The following SEPHS1 variants were observed in gnomAD, a reference collection of about 807,000 sequenced individuals.
SEPHS1 encodes the protein selenophosphate synthetase 1, also known as zincore component SEPHS1.
A neutral mutation model predicts 39.2 loss-of-function variants in SEPHS1; 7 were observed. The ratio of observed to expected loss-of-function variants is 0.18; its 90% confidence interval spans 0.10 to 0.34. SEPHS1 has a LOEUF of 0.34. Among genes scored for constraint, SEPHS1 ranks in the 10% least tolerant of loss-of-function variants. The pLI is 1.00. For synonymous variants in SEPHS1, 190 were observed against 195.5 expected, an observed-to-expected ratio of 0.97 and a Z score of 0.23; for missense variants, 253 against 514.5, an observed-to-expected ratio of 0.49 and a Z score of 4.92.
intron 6 of SEPHS1, 150 bp from the exon 7 acceptor site, chr10:13,328,600 G>A (rs1833375112): frequency 3.2e-6 from 2 of 629,106 alleles, no homozygotes; most frequent in Non-Finnish European, 5.6e-6. Context: ...TGGTTTTTCT[G>A]TGGATAGTAT....
chr10:13,336,774 C>T (rs1833648649), intron 3 of SEPHS1, among the ~76,000 whole-genome samples: 1 of 144,088 alleles, frequency 6.9e-6, no homozygotes, highest in Admixed American at 7.5e-5. Context: ...GAAACAGCCA[C>T]ATATCCCAAA....
intron 8 of SEPHS1, among the ~76,000 whole-genome samples, chr10:13,321,308 G>A (rs182496367): frequency 6.6e-6 from 1 of 152,140 alleles, no homozygotes; most frequent in Non-Finnish European, 1.5e-5. Context: ...GTGCAGTGGG[G>A]CGATCTTGGC....
At chr10:13,347,153 G>A (rs779674274) in intron 1 of SEPHS1, 17 of 151,434 alleles carry the variant, frequency 1.1e-4, no homozygotes, top group Non-Finnish European at 2.1e-4. Flanking sequence ...GCAACGTTTA[G>A]CCCTTTCCTT....
intron 2 of SEPHS1, among the ~76,000 whole-genome samples, chr10:13,344,079 A>C (rs1206041740): frequency 1.3e-5 from 2 of 152,174 alleles, no homozygotes; most frequent in African/African-American, 4.8e-5. Context: ...TCCTGGGGTC[A>C]AGAACAGATC....
At chr10:13,326,307 C>A (rs1271279708) in intron 7 of SEPHS1, among the ~76,000 whole-genome samples, 2 of 152,048 alleles carry the variant, frequency 1.3e-5, no homozygotes, top group African/African-American at 4.8e-5. Context: ...AAACCCATCT[C>A]TACTAAAAAT....
At chr10:13,334,913 C>T (rs1366172540) in intron 4 of SEPHS1, among the ~76,000 whole-genome samples, 3 of 152,160 alleles carry the variant, frequency 2.0e-5, no homozygotes, top group Non-Finnish European at 4.4e-5. Flanking sequence ...GACTGGCTTC[C>T]TAAGCACAGG....
chr10:13,345,116 G>C (rs940171407), intron 1 of SEPHS1, 88 bp from the exon 2 acceptor site: 1 of 530,768 alleles, frequency 1.9e-6, no homozygotes, highest in Non-Finnish European at 3.2e-6. Context: ...ACAGCGAAAA[G>C]TCAATGTGAC....
intron 2 of SEPHS1, among the ~76,000 whole-genome samples, chr10:13,340,103 T>G (rs1833743823): frequency 6.6e-6 from 1 of 152,118 alleles, no homozygotes; most frequent in Admixed American, 6.6e-5. Context: ...CCTTTAATAT[T>G]CTGCGTAAGT....
chr10:13,344,668 AAAAT>A (rs1833877956), intron 2 of SEPHS1, 86 bp downstream of exon 2: 1 of 973,848 alleles, frequency 1.0e-6, no homozygotes, highest in African/African-American at 1.7e-5. Context: ...GTAATAATAA[AAAAT>A]AAATAGGCAA....
At chr10:13,347,879 G>C (rs1833979892) in intron 1 of SEPHS1, 121 bp downstream of exon 1, 1 of 146,502 alleles carries the variant, frequency 6.8e-6, no homozygotes, top group Non-Finnish European at 1.5e-5. Flanking sequence ...GGCCGGCGGC[G>C]CGCGGCTCCC....
intron 3 of SEPHS1, among the ~76,000 whole-genome samples, chr10:13,337,752 G>C (rs954975653): frequency 6.6e-6 from 1 of 152,188 alleles, no homozygotes; most frequent in Admixed American, 6.5e-5. Context: ...CCTGCCACCT[G>C]GTCATGTGGG....
intron 7 of SEPHS1, 110 bp from the exon 8 acceptor site, chr10:13,323,157 G>A (rs1407982380): frequency 5.1e-5 from 44 of 862,350 alleles, no homozygotes; most frequent in South Asian, 1.9e-4. Flanking sequence ...ATGACGTATC[G>A]GAATAATGAA....
intron 2 of SEPHS1, chr10:13,340,746 A>T (rs1229338268): frequency 2.0e-5 from 3 of 152,254 alleles, no homozygotes; most frequent in Non-Finnish European, 4.4e-5. Flanking sequence ...GATCAGAGTA[A>T]CGGGGGATTC....
chr10:13,341,423 T>C (rs1833779639), intron 2 of SEPHS1, among the ~76,000 whole-genome samples: 1 of 150,952 alleles, frequency 6.6e-6, no homozygotes, highest in African/African-American at 2.4e-5. Flanking sequence ...ACCTAAGTTA[T>C]CACACCACTA....
intron 7 of SEPHS1, 56 bp downstream of exon 7, chr10:13,328,294 TA>T: frequency 8.2e-7 from 1 of 1,219,714 alleles, no homozygotes; most frequent in Non-Finnish European, 1.2e-6. Flanking sequence ...CAGAAAAGCC[TA>T]AGACATTTAC....
In SEPHS1 at chr10:13,318,311, TTTACTA is replaced by T. The variant is rs1299750140; in HGVS notation, c.*825_*830del. Reference sequence around the variant, plus strand: ...AAACACTACCATCCACAGAACAGTCTTTACTATTGATTATATTTAAAAATTATTTGT... The same window carrying T: ...AAACACTACCATCCACAGAACAGTCTTTGATTATATTTAAAAATTATTTGT... On this transcript the variant is annotated 3_prime_UTR_variant, in exon 9 of 9. Transcript: ENST00000327347. The T allele has an allele frequency of 6.6e-6, 1 of 152,614 alleles. No homozygotes were observed. The highest frequency in any genetic ancestry group is 1.5e-5 in the Non-Finnish European group (1 of 68,036). The allele number at this position is 152,614 out of a possible 1,614,324, so 9.5% of individuals were successfully genotyped here.
intron 8 of SEPHS1, chr10:13,322,022 C>T (rs530087126): frequency 3.1e-5 from 14 of 454,690 alleles, no homozygotes; most frequent in Non-Finnish European, 4.9e-5. Context: ...CTCCATCTCC[C>T]GTTTATCCTC....
At chr10:13,337,257 CT>C (rs1833664276) in intron 3 of SEPHS1, among the ~76,000 whole-genome samples, 1 of 152,012 alleles carries the variant, frequency 6.6e-6, no homozygotes, top group African/African-American at 2.4e-5. Context: ...ATACCCAGGG[CT>C]GAAGTCATAT....
At chr10:13,338,642 G>T in intron 3 of SEPHS1, 63 bp downstream of exon 3, 2 of 1,334,530 alleles carry the variant, frequency 1.5e-6, no homozygotes, top group Non-Finnish European at 2.2e-6. Context: ...CAAAACCCCA[G>T]CCACAACCCA....
Sources: gnomAD v4.1 joint callset for allele counts (sites outside exome capture counted in the v4.1 genomes callset) on GRCh38, gnomAD v4.1.1 for gene constraint, MANE v1.5 for transcripts, NCBI Gene and HGNC (gene_info 2026-07-23, HGNC 2026-07-21) for gene names.